The following PDE4D variants were observed in gnomAD, a reference collection of about 807,000 sequenced individuals.
PDE4D encodes the protein phosphodiesterase 4D.
A neutral mutation model predicts 87.4 loss-of-function variants in PDE4D; 24 were observed. That is an observed-to-expected ratio of 0.27 (90% CI 0.20 to 0.39). The LOEUF (loss-of-function observed/expected upper bound fraction) is 0.39, where lower values mean the gene tolerates loss of function less well. PDE4D is among the 10% of genes least tolerant of loss of function. The pLI, the probability that PDE4D is intolerant of heterozygous loss-of-function variation, is 1.00. For synonymous variants in PDE4D, 384 were observed against 383.2 expected (o/e 1.00, Z -0.02); for missense variants, 714 against 1,041.0 (o/e 0.69, Z 4.32).
At chr5:59,565,622 G>A (rs937348607) in intron 1 of PDE4D, among the ~76,000 whole-genome samples, 1 of 152,232 alleles carries the variant, frequency 6.6e-6, no homozygotes. Flanking sequence ...GTAGTGGGGT[G>A]AAAAGGCTAT....
At chr5:59,845,861 A>T (rs914347518) in intron 1 of PDE4D, among the ~76,000 whole-genome samples, 3 of 152,048 alleles carry the variant, frequency 2.0e-5, no homozygotes, top group African/African-American at 7.2e-5. Context: ...GAAAACACAC[A>T]GTTCTTTTCC....
chr5:60,037,819 T>A (rs1450591746), intron 2 of PDE4D, among the ~76,000 whole-genome samples: 2 of 152,232 alleles, frequency 1.3e-5, no homozygotes, highest in African/African-American at 4.8e-5. Flanking sequence ...ACACTTTTTA[T>A]TTTTAAAGTG....
At chr5:59,332,180 T>C (rs75699812) in intron 1 of PDE4D, among the ~76,000 whole-genome samples, 14,816 of 152,276 alleles carry the variant, frequency 0.097, 844 homozygotes, top group Middle Eastern at 0.13. Flanking sequence ...CTTGTTTTTA[T>C]CTTGTAAACA....
At chr5:59,450,298 T>C (rs1243944484) in intron 1 of PDE4D, among the ~76,000 whole-genome samples, 3 of 152,214 alleles carry the variant, frequency 2.0e-5, no homozygotes, top group African/African-American at 4.8e-5. Context: ...ATAAGTAAGA[T>C]GGAATGTGTT....
intron 2 of PDE4D, among the ~76,000 whole-genome samples, chr5:60,063,972 C>T (rs186301746): frequency 1.5e-4 from 23 of 152,028 alleles, no homozygotes; most frequent in African/African-American, 5.5e-4. Flanking sequence ...GGAGATGTGC[C>T]CATGACACAA....
chr5:58,999,941 G>A, intron 6 of PDE4D: 3 of 984,872 alleles, frequency 3.0e-6, no homozygotes, highest in Non-Finnish European at 3.6e-6. Context: ...CTGCAGGGAA[G>A]CCGGGAAGAG....
At chr5:59,619,950 AG>A (rs1451616479) in intron 1 of PDE4D, among the ~76,000 whole-genome samples, 1 of 152,168 alleles carries the variant, frequency 6.6e-6, no homozygotes, top group African/African-American at 2.4e-5. Context: ...TTTTGAAGGA[AG>A]TGTTTTAAGT....
At chr5:60,249,813 C>T (rs1369944949) in intron 1 of PDE4D, among the ~76,000 whole-genome samples, 1 of 151,930 alleles carries the variant, frequency 6.6e-6, no homozygotes, top group Non-Finnish European at 1.5e-5. Flanking sequence ...TTAAATAAAG[C>T]AGAAACCACA....
chr5:59,350,186 C>A (rs1358867103), intron 1 of PDE4D, among the ~76,000 whole-genome samples: 3 of 152,144 alleles, frequency 2.0e-5, no homozygotes, highest in Non-Finnish European at 4.4e-5. Context: ...AGAAACCTGT[C>A]CTTCCATGGT....
At chr5:60,267,129 C>G (rs533517272) in intron 1 of PDE4D, among the ~76,000 whole-genome samples, 3 of 152,206 alleles carry the variant, frequency 2.0e-5, no homozygotes, top group Non-Finnish European at 4.4e-5. Context: ...TAAAACTGTC[C>G]GTGTGTTTCC....
chr5:59,283,661 C>T lies in PDE4D; in HGVS notation c.456-67693G>A, dbSNP rs184460984. ...TTCCCCTGCCTGGGGAACCTCTCAC[C>T]TTTCTCCCACTTCCCTGCTAAGTAT... On this transcript the variant is annotated intron_variant, in intron 1 of 14. Coordinates refer to ENST00000340635, the MANE Select transcript of PDE4D (RefSeq NM_001104631.2). Among the ~76,000 whole-genome samples the T allele has an allele frequency of 2.0e-4, 31 of 152,226 alleles. No individual in the cohort carries two copies. The East Asian group carries it at 4.5e-3, about 22-fold the overall frequency.
intron 2 of PDE4D, among the ~76,000 whole-genome samples, chr5:60,061,272 T>G (rs1057373067): frequency 2.0e-5 from 3 of 152,040 alleles, no homozygotes; most frequent in African/African-American, 4.8e-5. Flanking sequence ...TCACAAGCAT[T>G]TCTTTACACT....
At chr5:60,044,603 G>C (rs1046858549) in intron 2 of PDE4D, among the ~76,000 whole-genome samples, 13 of 151,776 alleles carry the variant, frequency 8.6e-5, no homozygotes, top group African/African-American at 2.9e-4. Context: ...CTATGAGTGA[G>C]AATATGCGGT....
chr5:60,510,394 C>T (rs776533251), intron 1 of PDE4D, among the ~76,000 whole-genome samples: 12 of 152,152 alleles, frequency 7.9e-5, no homozygotes, highest in East Asian at 1.9e-4. Flanking sequence ...AACACTACAA[C>T]GCCCACCTCT....
intron 2 of PDE4D, among the ~76,000 whole-genome samples, chr5:60,008,268 A>G (rs1016616653): frequency 3.9e-5 from 6 of 151,938 alleles, no homozygotes; most frequent in Non-Finnish European, 5.9e-5. Flanking sequence ...CGATTGCTAT[A>G]GGCACCAGAA....
At chr5:59,823,767 C>A (rs576573983) in intron 1 of PDE4D, among the ~76,000 whole-genome samples, 6 of 149,834 alleles carry the variant, frequency 4.0e-5, no homozygotes, top group Non-Finnish European at 8.9e-5. Flanking sequence ...AACTCTCCTT[C>A]AGACTTATTA....
chr5:59,716,273 C>A (rs1332242504), intron 1 of PDE4D, among the ~76,000 whole-genome samples: 1 of 152,208 alleles, frequency 6.6e-6, no homozygotes, highest in Non-Finnish European at 1.5e-5. Context: ...AAAGGTACAA[C>A]TACGCTGCTG....
At chr5:60,056,492 A>G (rs371517013) in intron 2 of PDE4D, among the ~76,000 whole-genome samples, 2 of 152,050 alleles carry the variant, frequency 1.3e-5, no homozygotes, top group Admixed American at 6.6e-5. Flanking sequence ...TTTAAGTGGA[A>G]GAGAGACAGC....
At chr5:59,810,403 T>C (rs530503658) in intron 1 of PDE4D, among the ~76,000 whole-genome samples, 1 of 152,376 alleles carries the variant, frequency 6.6e-6, no homozygotes, top group South Asian at 2.1e-4. Flanking sequence ...CTGGGTACTG[T>C]AAGTAAATGA....
Sources: gnomAD v4.1 joint callset for allele counts (sites outside exome capture counted in the v4.1 genomes callset) on GRCh38, gnomAD v4.1.1 for gene constraint, MANE v1.5 for transcripts, NCBI Gene and HGNC (gene_info 2026-07-23, HGNC 2026-07-21) for gene names.